Variants in RFX3 observed in about 807,000 individuals in gnomAD.
RFX3 encodes the protein regulatory factor X3, also known as transcription factor RFX3.
A neutral mutation model predicts 98.6 loss-of-function variants in RFX3; 14 were observed. That is an observed-to-expected ratio of 0.14 (90% CI 0.09 to 0.22). RFX3 has a LOEUF of 0.22. Among genes scored for constraint, RFX3 ranks in the 10% least tolerant of loss-of-function variants. The probability of loss-of-function intolerance (pLI) is 1.00; values close to 1 mark genes in which losing one functional copy is unlikely to be tolerated. For synonymous variants in RFX3, 383 were observed against 328.4 expected, an observed-to-expected ratio of 1.17 and a Z score of -1.80; for missense variants, 639 against 926.9, an observed-to-expected ratio of 0.69 and a Z score of 4.03.
intron 4 of RFX3, among the ~76,000 whole-genome samples, chr9:3,313,347 A>C (rs941642722): frequency 3.9e-5 from 6 of 152,188 alleles, no homozygotes; most frequent in African/African-American, 1.2e-4. Context: ...GGACGTCCAC[A>C]CCAAAACTCC....
chr9:3,303,032 CCTA>C (rs1156355796), intron 4 of RFX3, among the ~76,000 whole-genome samples: 12 of 151,700 alleles, frequency 7.9e-5, no homozygotes, highest in African/African-American at 2.9e-4. Context: ...TACAATTTAT[CCTA>C]CTGTTAACTT....
At chr9:3,384,293 G>A (rs991523569) in intron 2 of RFX3, among the ~76,000 whole-genome samples, 4 of 152,048 alleles carry the variant, frequency 2.6e-5, no homozygotes, top group Non-Finnish European at 5.9e-5. Flanking sequence ...TCATGAAAGA[G>A]CCTTTGAAAA....
At chr9:3,342,811 AGAT>A (rs1300076321) in intron 3 of RFX3, among the ~76,000 whole-genome samples, 2 of 152,242 alleles carry the variant, frequency 1.3e-5, no homozygotes, top group Non-Finnish European at 2.9e-5. Context: ...ATAGAAATAA[AGAT>A]GATGATCAAG....
At position 3,271,056 on chromosome 9, in the gene RFX3, G is replaced by A; in HGVS notation, c.1149C>T (p.Phe383=). The A allele has an allele frequency of 1.9e-6, 3 of 1,613,836 alleles. No individual in the cohort carries two copies. The highest frequency in any genetic ancestry group is 2.2e-5 in the East Asian group (1 of 44,834). ...FSLIEKLWQT[F]WRYSPSTPTD... ...TTGGAGTAGAGGGAGAATAGCGCCA[G>A]AATGTTTGCCACAATTTTTCTATCA... Residue 383 remains phenylalanine, a synonymous_variant, in exon 10 of 17, where the codon TTC becomes TTT. Coordinates refer to ENST00000617270, the MANE Select transcript of RFX3 (RefSeq NM_001282116.2).
At chr9:3,447,421 A>C (rs986965278) in intron 1 of RFX3, among the ~76,000 whole-genome samples, 11 of 152,196 alleles carry the variant, frequency 7.2e-5, no homozygotes, top group Non-Finnish European at 2.9e-5. Flanking sequence ...TGAAAAATGA[A>C]AAGACAAAAA....
At chr9:3,263,909 T>G (rs915192420) in intron 12 of RFX3, among the ~76,000 whole-genome samples, 4 of 152,150 alleles carry the variant, frequency 2.6e-5, no homozygotes, top group African/African-American at 9.6e-5. Context: ...GCTTGCTGCC[T>G]GTTAGAGCGG....
At chr9:3,255,991 G>C (rs1393896178) in intron 14 of RFX3, among the ~76,000 whole-genome samples, 1 of 151,742 alleles carries the variant, frequency 6.6e-6, no homozygotes, top group East Asian at 1.9e-4. Context: ...TTCTGAGACG[G>C]AGTCTCGCTC....
intron 4 of RFX3, among the ~76,000 whole-genome samples, chr9:3,314,715 G>C (rs574221370): frequency 7.2e-5 from 11 of 152,016 alleles, no homozygotes; most frequent in African/African-American, 2.7e-4. Context: ...AAAAAGCAGG[G>C]GTTGCAATTC....
At chr9:3,277,266 G>C (rs1017779365) in intron 8 of RFX3, 74 bp downstream of exon 8, 2 of 1,486,520 alleles carry the variant, frequency 1.3e-6, no homozygotes, top group Non-Finnish European at 1.9e-6. Flanking sequence ...ATCTATAATA[G>C]ACATTGCACT....
At chr9:3,271,142 A>G (rs748504131) in intron 9 of RFX3, 24 bp from the exon 10 acceptor site, 4 of 1,593,408 alleles carry the variant, frequency 2.5e-6, no homozygotes, top group Non-Finnish European at 2.6e-6. Flanking sequence ...TGGTACCAGT[A>G]TTACCTTACA....
At chr9:3,296,693 C>G (rs1249724061) in intron 5 of RFX3, among the ~76,000 whole-genome samples, 2 of 152,034 alleles carry the variant, frequency 1.3e-5, no homozygotes, top group African/African-American at 4.8e-5. Context: ...AACTGTATTC[C>G]TTGCCAGATG....
At chr9:3,454,156 A>G (rs1846936376) in intron 1 of RFX3, among the ~76,000 whole-genome samples, 2 of 152,200 alleles carry the variant, frequency 1.3e-5, no homozygotes, top group African/African-American at 4.8e-5. Context: ...AAAAGTAGCT[A>G]AACAGTATAT....
chr9:3,491,503 T>A (rs914984407), intron 1 of RFX3, among the ~76,000 whole-genome samples: 1 of 152,214 alleles, frequency 6.6e-6, no homozygotes, highest in African/African-American at 2.4e-5. Context: ...TAAATGTTTA[T>A]AATTCACCCT....
chr9:3,443,892 T>C (rs1268921094), intron 1 of RFX3, among the ~76,000 whole-genome samples: 1 of 152,134 alleles, frequency 6.6e-6, no homozygotes, highest in Non-Finnish European at 1.5e-5. Context: ...AATAATAGAA[T>C]GGCTAAAATT....
chr9:3,347,011 G>A (rs919357066), intron 2 of RFX3, among the ~76,000 whole-genome samples: 3 of 152,154 alleles, frequency 2.0e-5, no homozygotes, highest in African/African-American at 7.2e-5. Context: ...CATTTCAACT[G>A]TTCAGGTTTA....
intron 1 of RFX3, among the ~76,000 whole-genome samples, chr9:3,462,641 T>C (rs911060711): frequency 2.0e-5 from 3 of 152,048 alleles, no homozygotes; most frequent in Non-Finnish European, 4.4e-5. Flanking sequence ...CAGAACATTT[T>C]TAAGAGTTTA....
chr9:3,479,871 T>C (rs530232193), intron 1 of RFX3, among the ~76,000 whole-genome samples: 2 of 152,262 alleles, frequency 1.3e-5, no homozygotes, highest in East Asian at 3.9e-4. Context: ...AGAACAGAGA[T>C]TGAGTTTACC....
At chr9:3,386,572 A>G (rs908876695) in intron 2 of RFX3, among the ~76,000 whole-genome samples, 2 of 152,188 alleles carry the variant, frequency 1.3e-5, no homozygotes, top group African/African-American at 4.8e-5. Context: ...AATTTCCACA[A>G]AATCTGCTTC....
intron 4 of RFX3, among the ~76,000 whole-genome samples, chr9:3,319,251 C>G (rs901254011): frequency 6.6e-6 from 1 of 151,534 alleles, no homozygotes. Context: ...CTTGCCCACA[C>G]TGACTGAATC....
Sources: gnomAD v4.1 joint callset for allele counts (sites outside exome capture counted in the v4.1 genomes callset) on GRCh38, gnomAD v4.1.1 for gene constraint, MANE v1.5 for transcripts, NCBI Gene and HGNC (gene_info 2026-07-23, HGNC 2026-07-21) for gene names.